The following MAPK10 variants were observed in gnomAD, a reference collection of about 807,000 sequenced individuals.
MAPK10 encodes mitogen-activated protein kinase 10, also known as JNK3 alpha protein kinase.
A neutral mutation model predicts 59.3 loss-of-function variants in MAPK10; 25 were observed. That is an observed-to-expected ratio of 0.42 (90% confidence interval 0.31 to 0.59). The LOEUF is 0.59. MAPK10 is among the 20% of genes least tolerant of loss of function. The pLI, the probability that MAPK10 is intolerant of heterozygous loss-of-function variation, is 0.15. For synonymous variants in MAPK10, 190 were observed against 200.5 expected (o/e 0.95, Z 0.44); for missense variants, 351 against 568.9 (o/e 0.62, Z 3.90).
At chr4:86,336,506 T>C (rs1161707960) in intron 2 of MAPK10, 1 of 152,078 alleles carries the variant, frequency 6.6e-6, no homozygotes, top group Non-Finnish European at 1.5e-5. Context: ...AGTAACAGTG[T>C]TGGAAGGGAC....
Position 86,320,362 on chromosome 4 carries a change from C to A in MAPK10, c.-7+34168G>T, listed in dbSNP as rs560767128. Among the ~76,000 whole-genome samples the A allele has an allele frequency of 3.3e-5, 5 of 152,228 alleles. No homozygotes were observed. The South Asian group carries it at 1.0e-3, about 32-fold the overall frequency. ...TTATGATTCAAAACCTTAATGAGAGCCTGCAGTGATAGAACTTGATTCACA... is the reference window on the plus strand; with the variant it reads ...TTATGATTCAAAACCTTAATGAGAGACTGCAGTGATAGAACTTGATTCACA... On this transcript the variant is annotated intron_variant, in intron 2 of 13. Transcript: ENST00000641462.
At chr4:86,440,853 G>A (rs987866638) in intron 1 of MAPK10, among the ~76,000 whole-genome samples, 6 of 152,028 alleles carry the variant, frequency 3.9e-5, no homozygotes, top group Non-Finnish European at 5.9e-5. Flanking sequence ...GTGGGTGTTC[G>A]GAAATATTTA....
At chr4:86,233,144 C>T (rs1489194788) in intron 2 of MAPK10, among the ~76,000 whole-genome samples, 1 of 152,144 alleles carries the variant, frequency 6.6e-6, no homozygotes, top group Non-Finnish European at 1.5e-5. Context: ...AACAAAAAAG[C>T]TCTTGGCATC....
rs557238315 is a variant in MAPK10, at chr4:86,343,739, T to C, written c.-7+10791A>G. 2.0e-5 allele frequency among the ~76,000 whole-genome samples: 3 copies of C among 152,312 alleles called. No homozygotes were observed. The South Asian group carries it at 6.2e-4, about 32-fold the overall frequency. ...GCAGTCTTCCAAAGGTGACTTGATGTATAGTATAACAAAAAATTGAAACAA... is the reference window on the plus strand; with the variant it reads ...GCAGTCTTCCAAAGGTGACTTGATGCATAGTATAACAAAAAATTGAAACAA... On this transcript the variant is annotated intron_variant, in intron 2 of 13. Coordinates refer to ENST00000641462, the MANE Select transcript of MAPK10 (RefSeq NM_138982.4).
chr4:86,391,107 T>A (rs1247400191), intron 1 of MAPK10, among the ~76,000 whole-genome samples: 3 of 152,236 alleles, frequency 2.0e-5, no homozygotes, highest in Non-Finnish European at 4.4e-5. Context: ...AAAAATCAGT[T>A]ATGAAATTGA....
At chr4:86,350,617 G>A (rs774294961) in intron 2 of MAPK10, among the ~76,000 whole-genome samples, 55 of 152,148 alleles carry the variant, frequency 3.6e-4, no homozygotes, top group Admixed American at 1.9e-3. Context: ...CCAAAGTGCT[G>A]GGATTACAAA....
chr4:86,448,317 GT>G (rs1387884682), intron 1 of MAPK10, among the ~76,000 whole-genome samples: 1 of 151,160 alleles, frequency 6.6e-6, no homozygotes, highest in African/African-American at 2.4e-5. Context: ...CTATTTTTTT[GT>G]CAGAATTTTC....
chr4:86,208,536 A>G (rs899629428), intron 2 of MAPK10, among the ~76,000 whole-genome samples: 1 of 151,624 alleles, frequency 6.6e-6, no homozygotes, highest in Non-Finnish European at 1.5e-5. Context: ...ACAAAATTCA[A>G]CAACACTTCA....
chr4:86,128,031 T>C (rs2060349256), intron 4 of MAPK10, among the ~76,000 whole-genome samples: 1 of 152,052 alleles, frequency 6.6e-6, no homozygotes, highest in South Asian at 2.1e-4. Context: ...GTAAGTTTTA[T>C]TATATATATA....
chr4:86,292,909 G>A (rs1028106449), intron 2 of MAPK10, among the ~76,000 whole-genome samples: 1 of 152,108 alleles, frequency 6.6e-6, no homozygotes, highest in Non-Finnish European at 1.5e-5. Context: ...TCCGTGTCCA[G>A]GCCATCAGGC....
chr4:86,278,510 T>A (rs532169042), intron 2 of MAPK10, among the ~76,000 whole-genome samples: 2 of 152,002 alleles, frequency 1.3e-5, no homozygotes, highest in Non-Finnish European at 2.9e-5. Flanking sequence ...TCTATATGAG[T>A]TGAAGGTTCT....
chr4:86,150,034 A>C (rs13104858), intron 4 of MAPK10, among the ~76,000 whole-genome samples: 23 of 152,264 alleles, frequency 1.5e-4, no homozygotes, highest in Non-Finnish European at 3.2e-4. Flanking sequence ...TCATAATTGC[A>C]AAGATGTGGA....
chr4:86,582,515 T>G (rs1237188271), intron 1 of MAPK10, among the ~76,000 whole-genome samples: 1 of 152,198 alleles, frequency 6.6e-6, no homozygotes, highest in Non-Finnish European at 1.5e-5. Context: ...AATAACTACC[T>G]TGGCTCTTTG....
At chr4:86,122,732 T>C (rs910579396) in intron 4 of MAPK10, among the ~76,000 whole-genome samples, 4 of 152,116 alleles carry the variant, frequency 2.6e-5, no homozygotes, top group African/African-American at 7.2e-5. Flanking sequence ...AATTAGGGAA[T>C]AAATAAGATA....
At chr4:86,571,187 G>GT (rs1008918750) in intron 1 of MAPK10, among the ~76,000 whole-genome samples, 235 of 139,984 alleles carry the variant, frequency 1.7e-3, no homozygotes, top group Non-Finnish European at 2.9e-3. Flanking sequence ...AATACTTAGG[G>GT]TTTTTTTTTT....
chr4:86,426,269 C>T (rs751064189), intron 1 of MAPK10, among the ~76,000 whole-genome samples: 1 of 152,036 alleles, frequency 6.6e-6, no homozygotes, highest in Admixed American at 6.5e-5. Flanking sequence ...TGCTTATGTT[C>T]GAGATAATTG....
rs150873872 is a variant in MAPK10 at position 86,559,993 on chromosome 4, A to AT, written c.-263+33916dup. 2.7e-3 allele frequency among the ~76,000 whole-genome samples: 403 copies of AT among 151,860 alleles called. 4 individuals are homozygous for AT. The highest frequency in any genetic ancestry group is 9.4e-3 in the African/African-American group (389 of 41,444). On this transcript the variant is annotated intron_variant, in intron 1 of 4. Coordinates refer to the MAPK10 transcript ENST00000502302. ...CTCACCTTCCTTATAAAACCAGTCAATTTTTTTTAATTTAGGATATTACTA... is the reference window on the plus strand; with the variant it reads ...CTCACCTTCCTTATAAAACCAGTCAATTTTTTTTTAATTTAGGATATTACTA...
intron 2 of MAPK10, among the ~76,000 whole-genome samples, chr4:86,314,302 T>G (rs2095732336): frequency 6.6e-6 from 1 of 152,166 alleles, no homozygotes; most frequent in South Asian, 2.1e-4. Flanking sequence ...AATCTCATCT[T>G]GAATTATACA....
Position 86,012,184 on chromosome 4 carries a change from T to C in MAPK10, c.*5044A>G, listed in dbSNP as rs1741528557. On this transcript the variant is annotated 3_prime_UTR_variant, in exon 14 of 14. Transcript: ENST00000641462. ...GAATTGCAGATATACAACTAGTATC[T>C]ACAGACAGAAATGAAGGTCAGTTTT... The C allele has an allele frequency of 6.6e-6, 1 of 152,180 alleles. No homozygotes were observed. The highest frequency in any genetic ancestry group is 1.5e-5 in the Non-Finnish European group (1 of 68,014). 9.4% of individuals were successfully genotyped at this position (152,180 alleles called of 1,614,324 possible).
Sources: allele counts gnomAD v4.1 joint callset (sites outside exome capture counted in the v4.1 genomes callset), GRCh38; gene constraint gnomAD v4.1.1; transcripts MANE v1.5; gene names NCBI Gene and HGNC (gene_info 2026-07-23, HGNC 2026-07-21).